ASXL1: variants seen among roughly 807,000 people sequenced by gnomAD.
ASXL1 encodes the protein ASXL transcriptional regulator 1, also known as polycomb group protein ASXL1.
Under a neutral mutation model 89.1 loss-of-function variants are expected in ASXL1, and 65 were observed. The ratio of observed to expected loss-of-function variants is 0.73; its 90% CI spans 0.60 to 0.90. The LOEUF (loss-of-function observed/expected upper bound fraction) is 0.90. Among genes scored for constraint, ASXL1 ranks in the 40% least tolerant of loss-of-function variants. The pLI is 0.00. For synonymous variants in ASXL1, 739 were observed against 746.9 expected (o/e 0.99, Z 0.17); for missense variants, 1,786 against 1,942.9 (o/e 0.92, Z 1.52).
At chr20:32,403,078 C>G (rs1439783521) in intron 4 of ASXL1, among the ~76,000 whole-genome samples, 2 of 152,102 alleles carry the variant, frequency 1.3e-5, no homozygotes, top group Non-Finnish European at 2.9e-5. Flanking sequence ...TTAAATTAAG[C>G]ATAAGGTTAC....
chr20:32,374,101 T>C (rs1279306247), intron 4 of ASXL1, among the ~76,000 whole-genome samples: 4 of 152,122 alleles, frequency 2.6e-5, no homozygotes, highest in Non-Finnish European at 5.9e-5. Context: ...CACCCTTGAC[T>C]TCCTGGGCTC....
At chr20:32,359,828 T>C (rs750640422) in intron 1 of ASXL1, 1 of 717,758 alleles carries the variant, frequency 1.4e-6, no homozygotes, top group South Asian at 1.5e-5. Context: ...CCCACAAAGC[T>C]CAGACACTTT....
intron 8 of ASXL1, 70 bp downstream of exon 8, chr20:32,430,123 C>T (rs1289946010): frequency 2.0e-6 from 3 of 1,525,772 alleles, no homozygotes; most frequent in Non-Finnish European, 2.6e-6. Flanking sequence ...AAGATGATGT[C>T]TTCTATTCCA....
At chr20:32,392,201 A>G (rs1334056382) in intron 4 of ASXL1, among the ~76,000 whole-genome samples, 5 of 151,466 alleles carry the variant, frequency 3.3e-5, no homozygotes, top group Admixed American at 2.6e-4. Context: ...TGAAGCCTCT[A>G]ACTTCTGGGC....
chr20:32,371,551 TG>T (rs1600479970), intron 4 of ASXL1, among the ~76,000 whole-genome samples: 1 of 152,172 alleles, frequency 6.6e-6, no homozygotes, highest in East Asian at 1.9e-4. Context: ...CCTCCCAAAC[TG>T]CCAGGATTAC....
chr20:32,436,976 A>C lies in ASXL1; in HGVS notation c.4264A>C (p.Ser1422Arg). The change falls in exon 13 of 13, where the codon AGT becomes CGT. Residue 1422 changes from serine (S) to arginine (R), a missense_variant. Ser to Arg is a moderately radical substitution (Grantham distance 110). This residue lies in a region of ASXL1 where 1,418 missense variants were observed against 1,427.8 expected (regional missense o/e 0.99). Coordinates refer to ENST00000375687, the MANE Select transcript of ASXL1 (RefSeq NM_015338.6). Reference sequence around the variant, plus strand: ...ACCCCGAGAGCCAGGGAAGGGGCTCAGTGAGCCTCTGGAGCCTTCTTCTCT... The same window carrying C: ...ACCCCGAGAGCCAGGGAAGGGGCTCCGTGAGCCTCTGGAGCCTTCTTCTCT... ...KLPREPGKGL[S>R]EPLEPSSLPS... The C allele has an allele frequency of 6.2e-7, 1 of 1,614,062 alleles. No individual in the cohort carries two copies. Among genetic ancestry groups the C allele is most frequent in the Non-Finnish European group, 8.5e-7 (1 of 1,179,996 alleles).
chr20:32,404,818 C>T (rs1466359500), intron 4 of ASXL1, among the ~76,000 whole-genome samples: 2 of 152,050 alleles, frequency 1.3e-5, no homozygotes, highest in Admixed American at 6.5e-5. Flanking sequence ...TTCTTCTATT[C>T]CTAGTTTACT....
intron 4 of ASXL1, among the ~76,000 whole-genome samples, chr20:32,426,412 T>A (rs2011288312): frequency 6.6e-6 from 1 of 152,064 alleles, no homozygotes; most frequent in African/African-American, 2.4e-5. Context: ...AGAAGAGAGA[T>A]TAAATTTGTT....
At chr20:32,388,172 A>T (rs907680388) in intron 4 of ASXL1, among the ~76,000 whole-genome samples, 1 of 151,698 alleles carries the variant, frequency 6.6e-6, no homozygotes, top group East Asian at 1.9e-4. Context: ...GATATATTTT[A>T]TTTATTTATT....
intron 4 of ASXL1, among the ~76,000 whole-genome samples, chr20:32,420,588 T>C (rs76949424): frequency 6.6e-6 from 1 of 152,360 alleles, no homozygotes; most frequent in East Asian, 1.9e-4. Flanking sequence ...TAGATGAACG[T>C]GAGTAAAAAG....
intron 4 of ASXL1, among the ~76,000 whole-genome samples, chr20:32,425,458 A>G (rs1007840651): frequency 6.6e-6 from 1 of 152,208 alleles, no homozygotes; most frequent in Non-Finnish European, 1.5e-5. Context: ...ATCTGTTTTC[A>G]GTGTACTTGT....
intron 4 of ASXL1, among the ~76,000 whole-genome samples, chr20:32,374,860 TTTTAC>T (rs1292655150): frequency 2.6e-5 from 4 of 152,134 alleles, no homozygotes; most frequent in East Asian, 1.9e-4. Context: ...ATATATATAT[TTTTAC>T]TTTACGTTTA....
In ASXL1 at chr20:32,435,270, C is replaced by T. The variant is rs147666865; in HGVS notation, c.2558C>T (p.Pro853Leu). ...VTPSSTPESS[P>L]TDCLQNRAFD... ...CCCAGTTCCACACCTGAATCCTCAC[C>T]GACTGATTGCCTGCAGAACAGAGCA... is the stretch of plus-strand genomic sequence containing the variant. Residue 853 changes from proline to leucine, a missense_variant, in exon 13 of 13, where the codon CCG becomes CTG. By Grantham distance (98) the Pro-to-Leu change is moderately conservative (BLOSUM62 -3). Around this residue, in one of 3 missense-constraint regions of ASXL1, gnomAD observed 1,418 missense variants for 1,427.8 expected, o/e 0.99. Transcript: ENST00000375687. The T allele has an allele frequency of 5.5e-5, 89 of 1,614,002 alleles. No individual in the cohort carries two copies. The highest frequency in any genetic ancestry group is 8.3e-5 in the Admixed American group (5 of 60,012).
At chr20:32,366,548 A>G in intron 2 of ASXL1, 82 bp downstream of exon 2, 2 of 1,607,290 alleles carry the variant, frequency 1.2e-6, no homozygotes, top group Non-Finnish European at 1.7e-6. Context: ...GAGTAAGTAC[A>G]CCTGTGTATG....
chr20:32,364,367 C>T (rs1305953807), intron 1 of ASXL1, among the ~76,000 whole-genome samples: 1 of 151,632 alleles, frequency 6.6e-6, no homozygotes, highest in Non-Finnish European at 1.5e-5. Context: ...GGGCATGAGC[C>T]ACCATGCCCA....
Position 32,433,692 on chromosome 20 carries a change from A to G in ASXL1, c.1494A>G (p.Ala498=), listed in dbSNP as rs2011611929. 6.2e-7 allele frequency: 1 copy of G among 1,611,638 alleles called. No individual in the cohort carries two copies. The highest frequency in any genetic ancestry group is 1.3e-5 in the African/African-American group (1 of 74,922). Residue 498 remains alanine (A), a synonymous_variant, in exon 12 of 13, where the codon GCA becomes GCG. Coordinates refer to ENST00000375687, the MANE Select transcript of ASXL1 (RefSeq NM_015338.6). ...TCCAGGCTGAGCCAGACAACTTGGC[A>G]CGTGCCTCTGCATCTCCAGACAGAA... ...SRIQAEPDNL[A]RASASPDRIP...
Position 32,434,656 on chromosome 20 carries a change from TGGAGGTGGCGGCGGGGCCACCGATGAG to T in ASXL1, c.1954_1980del (p.Gly652_Gly660del), listed in dbSNP as rs1323453876. On this transcript the variant is annotated inframe_deletion, in exon 13 of 13. Transcript: ENST00000375687. ...CCATCGGAGGGGGGGGTGGCCCGGGTGGAGGTGGCGGCGGGGCCACCGATGAGGGAGGTGGCAGAGGCAGCAGCAGTG... is the reference window on the plus strand; with the variant it reads ...CCATCGGAGGGGGGGGTGGCCCGGGTGGAGGTGGCAGAGGCAGCAGCAGTG... 6.3e-7 allele frequency: 1 copy of T among 1,595,680 alleles called. No individual in the cohort carries two copies. Among genetic ancestry groups the T allele is most frequent in the Non-Finnish European group, 8.5e-7 (1 of 1,171,640 alleles).
intron 4 of ASXL1, among the ~76,000 whole-genome samples, chr20:32,378,784 A>G (rs1207657713): frequency 1.3e-5 from 2 of 151,432 alleles, no homozygotes; most frequent in Non-Finnish European, 2.9e-5. Flanking sequence ...CAGGCCAGGC[A>G]TGGTGGCTCA....
intron 4 of ASXL1, among the ~76,000 whole-genome samples, chr20:32,416,394 C>T (rs1203232736): frequency 1.3e-5 from 2 of 152,164 alleles, no homozygotes; most frequent in African/African-American, 2.4e-5. Context: ...AACCCCAATC[C>T]CTCTGTCCCC....
Sources: gnomAD v4.1 joint callset for allele counts (sites outside exome capture counted in the v4.1 genomes callset) on GRCh38, gnomAD v4.1.1 for gene constraint, gnomAD v4.1.1 regional missense constraint, MANE v1.5 for transcripts, NCBI Gene and HGNC (gene_info 2026-07-23, HGNC 2026-07-21) for gene names.